The following ZNF248 variants were observed in gnomAD, a reference collection of about 807,000 sequenced individuals.
ZNF248 encodes KRAB protein domain.
ZNF248 carries 20 observed loss-of-function variants against 44.3 expected under a neutral mutation model. That is an observed-to-expected ratio of 0.45 (90% confidence interval 0.32 to 0.66). The LOEUF (loss-of-function observed/expected upper bound fraction) is 0.66. ZNF248 is among the 30% of genes least tolerant of loss of function. ZNF248 has a pLI of 0.04. For synonymous variants in ZNF248, 224 were observed against 229.0 expected, an observed-to-expected ratio of 0.98 and a Z score of 0.20; for missense variants, 654 against 677.0, an observed-to-expected ratio of 0.97 and a Z score of 0.38.
rs144470549 is a variant in ZNF248 at position 37,783,498 on chromosome 10, A to C, written c.331-6923T>G. Among the ~76,000 whole-genome samples, 888 of 152,360 alleles carry C rather than the reference A, an allele frequency of 5.8e-3. 6 individuals carry two copies. Among genetic ancestry groups the C allele is most frequent in the African/African-American group, 0.019 (784 of 41,588 alleles). The stretch of plus-strand genomic sequence containing the variant: ...TAGGGCACCAAAAGTGCAACCAGCC[A>C]AAGCAAAAAATAAATAAGATTTTGT... On this transcript the variant is annotated intron_variant, in intron 6 of 6. Coordinates refer to the ZNF248 transcript ENST00000615949.
downstream of ZNF248, chr10:37,776,291 C>T (rs1193564170): frequency 1.3e-5 from 4 of 315,896 alleles, no homozygotes; most frequent in Non-Finnish European, 1.7e-5. Context: ...AGTCCAGTCA[C>T]ATATCTTTTC....
Position 37,829,445 on chromosome 10 carries a change from A to T in ZNF248, c.*2170T>A, listed in dbSNP as rs887185432. The stretch of plus-strand genomic sequence containing the variant: ...CAGCCATCCCTATATTAACTTGTGA[A>T]AAGAAATAATTCTTCCCCCTAATTA... On this transcript the variant is annotated 3_prime_UTR_variant, in exon 6 of 6. Transcript: ENST00000395867. 1.0e-6 allele frequency: 1 copy of T among 985,308 alleles called. No homozygotes were observed. Among genetic ancestry groups the T allele is most frequent in the African/African-American group, 1.7e-5 (1 of 57,248 alleles). The allele number at this position is 985,308 out of a possible 1,614,324, so 61.0% of individuals were successfully genotyped here. A position where few individuals can be genotyped will look rare whatever the true frequency, so the allele number is the denominator to read the frequency against.
At chr10:37,850,785 C>T (rs1430027515) in intron 3 of ZNF248, among the ~76,000 whole-genome samples, 3 of 152,016 alleles carry the variant, frequency 2.0e-5, no homozygotes, top group Admixed American at 1.3e-4. Flanking sequence ...ATCTAAACCT[C>T]ATACCTTACA....
At chr10:37,841,356 C>T (rs537098163) in intron 3 of ZNF248, among the ~76,000 whole-genome samples, 1 of 151,270 alleles carries the variant, frequency 6.6e-6, no homozygotes, top group African/African-American at 2.4e-5. Flanking sequence ...AAGTTATGTT[C>T]TATTTCCTAA....
chr10:37,762,800 T>C, the ZNF248 span, among the ~76,000 whole-genome samples: 1 of 152,182 alleles, frequency 6.6e-6, no homozygotes, highest in African/African-American at 2.4e-5. Flanking sequence ...GATATTGAAA[T>C]ATGGGTGGTT....
chr10:37,769,605 T>A, the ZNF248 span, among the ~76,000 whole-genome samples: 1 of 152,160 alleles, frequency 6.6e-6, no homozygotes, highest in Non-Finnish European at 1.5e-5. Flanking sequence ...ATAAATTAAG[T>A]ATTGACGGGA....
At chr10:37,853,915 T>C (rs1202327562) in intron 3 of ZNF248, among the ~76,000 whole-genome samples, 1 of 152,010 alleles carries the variant, frequency 6.6e-6, no homozygotes, top group African/African-American at 2.4e-5. Flanking sequence ...AAAAGCACAG[T>C]AAAGGGCAAT....
downstream of ZNF248, among the ~76,000 whole-genome samples, chr10:37,774,863 C>T (rs1837058727): frequency 6.6e-6 from 1 of 152,146 alleles, no homozygotes; most frequent in Non-Finnish European, 1.5e-5. Flanking sequence ...TCACTGCAAC[C>T]TCTGCCTCCA....
At chr10:37,841,288 T>C (rs566735868) in intron 3 of ZNF248, among the ~76,000 whole-genome samples, 9 of 152,322 alleles carry the variant, frequency 5.9e-5, no homozygotes, top group Non-Finnish European at 1.3e-4. Flanking sequence ...TGCTCTTGTT[T>C]TATGTGATGA....
the ZNF248 span, among the ~76,000 whole-genome samples, chr10:37,765,121 ATTTTT>A: frequency 6.6e-6 from 1 of 151,326 alleles, no homozygotes; most frequent in Non-Finnish European, 1.5e-5. Flanking sequence ...TGCCCAGCTA[ATTTTT>A]TTTTATTTTT....
At chr10:37,781,733 G>A (rs1220434743) in intron 6 of ZNF248, among the ~76,000 whole-genome samples, 1 of 152,194 alleles carries the variant, frequency 6.6e-6, no homozygotes, top group African/African-American at 2.4e-5. Context: ...TTTGTACATT[G>A]ACCAGGCACT....
intron 6 of ZNF248, chr10:37,795,665 G>A (rs1166089043): frequency 6.6e-6 from 1 of 152,040 alleles, no homozygotes; most frequent in East Asian, 1.9e-4. Context: ...TTCAGTAGAT[G>A]TTTCCTCAAG....
downstream of ZNF248, chr10:37,776,418 C>T: frequency 2.6e-6 from 1 of 391,002 alleles, no homozygotes; most frequent in Admixed American, 4.4e-5. Flanking sequence ...TGCAAACTGT[C>T]AGGCTCTGCC....
chr10:37,820,896 G>C, intron 6 of ZNF248: 1 of 1,415,426 alleles, frequency 7.1e-7, no homozygotes, highest in Non-Finnish European at 1.0e-6. Flanking sequence ...TCCTCTTCTA[G>C]TTTTCCTTAC....
intron 3 of ZNF248, among the ~76,000 whole-genome samples, chr10:37,845,332 A>G (rs2059150418): frequency 6.6e-6 from 1 of 151,794 alleles, no homozygotes; most frequent in African/African-American, 2.4e-5. Context: ...TTAATTCTAA[A>G]TAGGTTAAAT....
rs2055046001 is a variant in ZNF248 at position 37,829,491 on chromosome 10, T to C, written c.*2124A>G. On this transcript the variant is annotated 3_prime_UTR_variant, in exon 6 of 6. Transcript: ENST00000395867. ...AATTACCATATAGAACATTAACACTTAGAAAAATATTCCTCTGTGTCAGCT... is the reference window on the plus strand; with the variant it reads ...AATTACCATATAGAACATTAACACTCAGAAAAATATTCCTCTGTGTCAGCT... The C allele has an allele frequency of 1.0e-6, 1 of 984,910 alleles. No individual in the cohort carries two copies. Among genetic ancestry groups the C allele is most frequent in the Non-Finnish European group, 1.2e-6 (1 of 829,742 alleles). 61.0% of individuals were successfully genotyped at this position (984,910 alleles called of 1,614,324 possible). A position where few individuals can be genotyped will look rare whatever the true frequency, so the allele number is the denominator to read the frequency against.
chr10:37,820,093 T>A (rs2053210287), intron 6 of ZNF248: 1 of 869,286 alleles, frequency 1.2e-6, no homozygotes, highest in Admixed American at 1.7e-5. Flanking sequence ...CATCTTTTGC[T>A]GTTCATCAAT....
rs2133930103 is a variant in ZNF248 at position 37,832,681 on chromosome 10, T to C, written c.674A>G (p.Asp225Gly). The change falls in exon 6 of 6, where the codon GAT (aspartate) becomes GGT (glycine). Residue 225 changes from aspartate to glycine, a missense_variant. Transcript: ENST00000395867. ...EYSKNGQGFH[D>G]EAAFFTNKRS... ...CTTATTTGTAAAAAATGCTGCCTCA[T>C]CATGGAAGCCTTGTCCATTTTTACT... 2 of 1,613,496 alleles carry C rather than the reference T, an allele frequency of 1.2e-6. No homozygotes were observed. The highest frequency in any genetic ancestry group is 1.7e-6 in the Non-Finnish European group (2 of 1,179,886).
intron 6 of ZNF248, chr10:37,821,023 G>A: frequency 7.9e-7 from 1 of 1,266,760 alleles, no homozygotes; most frequent in Admixed American, 1.7e-5. Flanking sequence ...AAGGTGCTCT[G>A]GGATCCCAAA....
Sources: allele counts gnomAD v4.1 joint callset (sites outside exome capture counted in the v4.1 genomes callset), GRCh38; gene constraint gnomAD v4.1.1; transcripts MANE v1.5; gene names NCBI Gene and HGNC (gene_info 2026-07-23, HGNC 2026-07-21).